RNF24: variants seen among roughly 807,000 people sequenced by gnomAD.
RNF24 encodes the protein ring finger protein 24.
RNF24 carries 14 observed loss-of-function variants against 20.0 expected under a neutral mutation model. The observed-to-expected ratio is 0.70, with a 90% CI of 0.46 to 1.10. The LOEUF is 1.10. Ranked by LOEUF, RNF24 falls within the 50% of genes least tolerant of loss-of-function variation. The pLI, the probability that RNF24 is intolerant of heterozygous loss-of-function variation, is 0.00. For synonymous variants in RNF24, 45 were observed against 61.1 expected, an observed-to-expected ratio of 0.74 and a Z score of 1.23; for missense variants, 124 against 177.6, an observed-to-expected ratio of 0.70 and a Z score of 1.71.
At chr20:4,013,132 T>C (rs1276130900) in intron 1 of RNF24, among the ~76,000 whole-genome samples, 1 of 152,178 alleles carries the variant, frequency 6.6e-6, no homozygotes, top group Non-Finnish European at 1.5e-5. Flanking sequence ...CATCCCCAAT[T>C]GAAAAATCAA....
At chr20:3,974,063 T>TA (rs151190219) in intron 1 of RNF24, among the ~76,000 whole-genome samples, 17,968 of 140,430 alleles carry the variant, frequency 0.13, 1,341 homozygotes, top group Non-Finnish European at 0.18. Flanking sequence ...GGCTTAATAT[T>TA]AAAAAAAAAA....
intron 4 of RNF24, among the ~76,000 whole-genome samples, chr20:3,942,174 T>TA (rs1491510085): frequency 4.7e-4 from 32 of 68,750 alleles, no homozygotes; most frequent in African/African-American, 2.3e-3. Flanking sequence ...CAGAAAAATA[T>TA]TTTTTTTTTT....
chr20:3,977,471 A>AG (rs1181093114), intron 1 of RNF24, among the ~76,000 whole-genome samples: 4 of 152,154 alleles, frequency 2.6e-5, no homozygotes, highest in African/African-American at 2.4e-5. Context: ...AAGGGGAAGA[A>AG]GGGGGGTCAT....
At chr20:3,982,103 G>GTCTCTCTCTCTCTC (rs34868373) in intron 1 of RNF24, among the ~76,000 whole-genome samples, 2,987 of 137,024 alleles carry the variant, frequency 0.022, 107 homozygotes, top group African/African-American at 0.057. Context: ...GTGAGACCTC[G>GTCTCTCTCTCTCTC]TCTCTCTCTC....
At chr20:3,994,406 A>G (rs1980698534) in intron 1 of RNF24, among the ~76,000 whole-genome samples, 1 of 152,216 alleles carries the variant, frequency 6.6e-6, no homozygotes, top group South Asian at 2.1e-4. Flanking sequence ...GGAGTATAAC[A>G]GATAGAAATC....
intron 1 of RNF24, among the ~76,000 whole-genome samples, chr20:3,987,511 ATC>A (rs147075499): frequency 0.016 from 2,472 of 152,274 alleles, 34 homozygotes; most frequent in Middle Eastern, 0.051. Context: ...TTAATTTTAA[ATC>A]TCTCTCAAGT....
At chr20:4,003,687 G>T (rs1042684140) in intron 1 of RNF24, among the ~76,000 whole-genome samples, 2 of 116,168 alleles carry the variant, frequency 1.7e-5, no homozygotes, top group Admixed American at 1.3e-4. Context: ...CTATTGCCCA[G>T]GATGGAGTGC....
chr20:3,951,425 G>A (rs907919223), intron 2 of RNF24, among the ~76,000 whole-genome samples: 3 of 152,218 alleles, frequency 2.0e-5, no homozygotes, highest in African/African-American at 4.8e-5. Context: ...AGGGAGACAC[G>A]CTGAAATTAT....
chr20:3,982,814 G>T (rs541940375), intron 1 of RNF24, among the ~76,000 whole-genome samples: 2 of 152,012 alleles, frequency 1.3e-5, no homozygotes, highest in Non-Finnish European at 1.5e-5. Context: ...GCTTAGGCCC[G>T]GGAAGTCAAG....
intron 1 of RNF24, among the ~76,000 whole-genome samples, chr20:3,973,252 G>A (rs1371121397): frequency 1.3e-5 from 2 of 151,744 alleles, no homozygotes; most frequent in African/African-American, 4.8e-5. Flanking sequence ...AAATTTGAGA[G>A]ACATAGGTAA....
At chr20:3,974,176 G>A (rs12481554) in intron 1 of RNF24, among the ~76,000 whole-genome samples, 1 of 149,992 alleles carries the variant, frequency 6.7e-6, no homozygotes, top group South Asian at 2.1e-4. Flanking sequence ...TCAGCACCCA[G>A]AAATTAAAAA....
At chr20:3,952,436 A>T (rs2091091814) in intron 2 of RNF24, among the ~76,000 whole-genome samples, 1 of 152,106 alleles carries the variant, frequency 6.6e-6, no homozygotes, top group Admixed American at 6.5e-5. Context: ...GTGGCTTGCT[A>T]ATTCTAAATA....
At chr20:3,994,681 T>G (rs1348004540) in intron 1 of RNF24, among the ~76,000 whole-genome samples, 1 of 152,180 alleles carries the variant, frequency 6.6e-6, no homozygotes, top group Admixed American at 6.5e-5. Flanking sequence ...TTGAAGCTAC[T>G]CTGGGAGAAG....
intron 1 of RNF24, among the ~76,000 whole-genome samples, chr20:3,987,186 C>T (rs1456860964): frequency 1.3e-5 from 2 of 152,078 alleles, no homozygotes; most frequent in Admixed American, 6.6e-5. Context: ...TAGGGGGAAA[C>T]AACACAGAGT....
rs1311922211 is a variant in RNF24 at position 3,945,156 on chromosome 20, ATTTAC to A, written c.228+16_228+20del. 1 of 1,597,404 alleles carries A rather than the reference ATTTAC, an allele frequency of 6.3e-7. No homozygotes were observed. Among genetic ancestry groups the A allele is most frequent in the Non-Finnish European group, 8.5e-7 (1 of 1,172,292 alleles). The stretch of plus-strand genomic sequence containing the variant: ...TGCTACTAGAAAATGGCTCAAGAGG[ATTTAC>A]TTATCATCAACTTACCTCATGTAAA... On this transcript the variant is annotated intron_variant, in intron 4 of 5. Coordinates refer to ENST00000358395, the MANE Select transcript of RNF24 (RefSeq NM_001134337.3).
Position 3,963,978 on chromosome 20 carries a change from T to C in RNF24, c.40A>G (p.Asn14Asp), listed in dbSNP as rs538547045. The C allele has an allele frequency of 6.2e-7, 1 of 1,613,618 alleles. No homozygotes were observed. Among genetic ancestry groups the C allele is most frequent in the South Asian group, 1.1e-5 (1 of 91,026 alleles). ...DFPHYNFRMPNIGFQNLPLNI... is the reference protein window; with the variant it reads ...DFPHYNFRMPDIGFQNLPLNI... ...AGAGGCAGATTCTGGAATCCAATAT[T>C]AGGCATCCTGAAGTTGTAATGTGGG... The change falls in exon 2 of 6, where the codon AAT becomes GAT. Residue 14 changes from asparagine (N) to aspartate (D), a missense_variant. Asn to Asp is a conservative substitution (Grantham distance 23, BLOSUM62 1). Coordinates refer to ENST00000358395, the MANE Select transcript of RNF24 (RefSeq NM_001134337.3).
intron 2 of RNF24, among the ~76,000 whole-genome samples, chr20:3,959,897 A>G (rs117486438): frequency 1.0e-3 from 153 of 152,364 alleles, no homozygotes; most frequent in Non-Finnish European, 2.0e-3. Context: ...TGTTTGAGAT[A>G]TAACAAACAC....
At chr20:3,993,625 A>G (rs1980632806) in intron 1 of RNF24, among the ~76,000 whole-genome samples, 1 of 152,136 alleles carries the variant, frequency 6.6e-6, no homozygotes, top group Non-Finnish European at 1.5e-5. Context: ...TCCCATGAGA[A>G]CCTGCTGCCT....
chr20:3,992,440 T>C (rs577071767), intron 1 of RNF24, among the ~76,000 whole-genome samples: 1 of 152,066 alleles, frequency 6.6e-6, no homozygotes, highest in East Asian at 1.9e-4. Flanking sequence ...AGATGTAAGT[T>C]TGTAACACAG....
Sources: gnomAD v4.1 joint callset for allele counts (sites outside exome capture counted in the v4.1 genomes callset) on GRCh38, gnomAD v4.1.1 for gene constraint, MANE v1.5 for transcripts, NCBI Gene and HGNC (gene_info 2026-07-23, HGNC 2026-07-21) for gene names.